Variants in CERS4 observed in about 807,000 individuals in gnomAD.
CERS4 encodes ceramide synthase 4, also known as LAG1 homolog, ceramide synthase 4.
Under a neutral mutation model 51.8 loss-of-function variants are expected in CERS4, and 65 were observed. The ratio of observed to expected loss-of-function variants is 1.26; its 90% CI spans 1.03 to 1.54. The LOEUF is 1.54. Ranked by LOEUF, CERS4 falls within the 40% of genes most tolerant of loss-of-function variation. The pLI is 0.00. For missense variants in CERS4, 563 were observed against 500.4 expected (o/e 1.13, Z -1.19); for synonymous variants, 228 against 208.4 (o/e 1.09, Z -0.81).
chr19:8,259,969 AC>A (rs2145339349), intron 10 of CERS4, among the ~76,000 whole-genome samples: 1 of 152,082 alleles, frequency 6.6e-6, no homozygotes, highest in East Asian at 1.9e-4. Context: ...CATGGCTCCC[AC>A]CTGTCTTGGT....
chr19:8,254,119 G>A lies in CERS4; in HGVS notation c.174-380G>A, dbSNP rs544005362. Among the ~76,000 whole-genome samples the A allele has an allele frequency of 9.2e-5, 14 of 151,750 alleles. 1 individual carries two copies. The highest frequency in any genetic ancestry group is 2.4e-4 in the African/African-American group (10 of 41,434). On this transcript the variant is annotated intron_variant, in intron 3 of 11. Coordinates refer to ENST00000251363, the MANE Select transcript of CERS4 (RefSeq NM_024552.3). ...GGGCAGATCACGAGGTCAGGAGATC[G>A]AGACCATCCTGGCTAACACAGTGAA...
chr19:8,252,402 C>T (rs1379901579), intron 3 of CERS4, among the ~76,000 whole-genome samples: 1 of 150,320 alleles, frequency 6.7e-6, no homozygotes, highest in Non-Finnish European at 1.5e-5. Context: ...TCATCCCCAC[C>T]AGTAGCTGGG....
At chr19:8,259,284 G>A (rs1305167645) in intron 10 of CERS4, among the ~76,000 whole-genome samples, 1 of 152,174 alleles carries the variant, frequency 6.6e-6, no homozygotes, top group Non-Finnish European at 1.5e-5. Flanking sequence ...GGGGAAGTGT[G>A]TTCCAGGCAG....
Position 8,245,539 on chromosome 19 carries a change from ATTTAT to A in CERS4, c.-1-5529_-1-5525del, listed in dbSNP as rs550714005. ...CTGGGGTTATGGTATTTTTATTTTT[ATTTAT>A]TTTATTTATTTTTGAGATGAAGTCT... is the stretch of plus-strand genomic sequence containing the variant. On this transcript the variant is annotated intron_variant, in intron 2 of 11. Coordinates refer to ENST00000251363, the MANE Select transcript of CERS4 (RefSeq NM_024552.3). 2.0e-3 allele frequency among the ~76,000 whole-genome samples: 303 copies of A among 151,538 alleles called. 1 individual carries two copies. Among genetic ancestry groups the A allele is most frequent in the African/African-American group, 6.8e-3 (281 of 41,294 alleles).
intron 2 of CERS4, among the ~76,000 whole-genome samples, chr19:8,240,770 G>T (rs1364063890): frequency 2.0e-5 from 3 of 152,266 alleles, no homozygotes; most frequent in Non-Finnish European, 4.4e-5. Context: ...GGTCCTTGGG[G>T]GTTCGGGGAA....
intron 2 of CERS4, among the ~76,000 whole-genome samples, chr19:8,223,177 A>C (rs1967634239): frequency 6.6e-6 from 1 of 151,716 alleles, no homozygotes; most frequent in Non-Finnish European, 1.5e-5. Flanking sequence ...CTGCCAAAAA[A>C]AAAAATTAGC....
chr19:8,245,488 ATCC>A lies in CERS4; in HGVS notation c.-1-5583_-1-5581del, dbSNP rs551952171. ...GGTCTCAAACCCCTGGGTTCAAGCA[ATCC>A]TCCTGCCTCAGCCTCCTAAACACTG... On this transcript the variant is annotated intron_variant, in intron 2 of 11. Coordinates refer to ENST00000251363, the MANE Select transcript of CERS4 (RefSeq NM_024552.3). 2.2e-3 allele frequency among the ~76,000 whole-genome samples: 342 copies of A among 152,150 alleles called. 2 individuals carry two copies. Among genetic ancestry groups the A allele is most frequent in the African/African-American group, 7.9e-3 (327 of 41,530 alleles).
Position 8,261,729 on chromosome 19 carries a change from G to A in CERS4, c.890G>A (p.Gly297Asp), listed in dbSNP as rs1568545009. Residue 297 changes from glycine (G) to aspartate (D), a missense_variant, in exon 11 of 12, where the codon GGC (glycine) becomes GAC (aspartate). Gly to Asp is a moderately conservative substitution (Grantham distance 94). Transcript: ENST00000251363. The part of the protein sequence containing the change: ...TTYYESISNR[G>D]PFFGYYFFNG... ...TACTACGAGTCCATCAGCAACAGGG[G>A]CCCCTTCTTCGGCTACTACTTCTTC... 6.2e-7 allele frequency: 1 copy of A among 1,614,130 alleles called. No individual in the cohort carries two copies. The highest frequency in any genetic ancestry group is 1.7e-5 in the Admixed American group (1 of 60,012).
rs878862385 is a variant in CERS4 at position 8,262,136 on chromosome 19, G to T, written c.*27G>T. The stretch of plus-strand genomic sequence containing the variant: ...CGGGCGGGGCTGGCTGTAAGGGGTT[G>T]CCCCCCCGCCAGTGCCTTGGATATT... On this transcript the variant is annotated 3_prime_UTR_variant, in exon 12 of 12. Transcript: ENST00000251363. The T allele has an allele frequency of 7.0e-7, 1 of 1,428,376 alleles. No individual in the cohort carries two copies. The highest frequency in any genetic ancestry group is 9.1e-7 in the Non-Finnish European group (1 of 1,093,908). The allele number at this position is 1,428,376 out of a possible 1,614,324, so 88.5% of individuals were successfully genotyped here. A position where few individuals can be genotyped will look rare whatever the true frequency, so the allele number is the denominator to read the frequency against.
intron 2 of CERS4, among the ~76,000 whole-genome samples, chr19:8,248,800 A>G (rs1276838691): frequency 7.4e-6 from 1 of 135,324 alleles, no homozygotes; most frequent in African/African-American, 2.9e-5. Context: ...GGGTAGGTGG[A>G]TAGATGATGT....
rs375090438 is a variant in CERS4, at chr19:8,261,967, A to G, written c.1043A>G (p.Asp348Gly). ...KDIRSDVEES[D>G]SSEEAAAAQE... ...ATTCGTAGTGATGTAGAAGAATCAG[A>G]CTCCAGTGAGGAGGCGGCGGCGGCC... is the stretch of plus-strand genomic sequence containing the variant. Residue 348 changes from aspartate (D) to glycine (G), a missense_variant, in exon 12 of 12, where the codon GAC becomes GGC. Transcript: ENST00000251363. 1.2e-6 allele frequency: 2 copies of G among 1,603,938 alleles called. No individual in the cohort carries two copies. Among genetic ancestry groups the G allele is most frequent in the Non-Finnish European group, 1.7e-6 (2 of 1,175,414 alleles).
chr19:8,226,428 C>T (rs1432374069), intron 2 of CERS4, among the ~76,000 whole-genome samples: 2 of 152,130 alleles, frequency 1.3e-5, no homozygotes, highest in African/African-American at 2.4e-5. Flanking sequence ...TATGAATCTA[C>T]CTCCATGTAT....
At chr19:8,248,922 G>A (rs1450163437) in intron 2 of CERS4, among the ~76,000 whole-genome samples, 1 of 150,746 alleles carries the variant, frequency 6.6e-6, no homozygotes, top group Non-Finnish European at 1.5e-5. Context: ...ATGGGTAGAT[G>A]GATGAGTGGA....
chr19:8,251,333 G>T, intron 3 of CERS4, 84 bp downstream of exon 3: 1 of 1,467,696 alleles, frequency 6.8e-7, no homozygotes, highest in Non-Finnish European at 9.0e-7. Flanking sequence ...TGCCATTGCA[G>T]CATGTCCCGA....
At chr19:8,245,989 TG>T (rs1389793286) in intron 2 of CERS4, among the ~76,000 whole-genome samples, 3 of 101,280 alleles carry the variant, frequency 3.0e-5, no homozygotes, top group Non-Finnish European at 5.8e-5. Context: ...GGAGGCTGAG[TG>T]GGGAGGATTG....
At chr19:8,261,104 C>T (rs1446909914) in intron 10 of CERS4, 1 of 154,490 alleles carries the variant, frequency 6.5e-6, no homozygotes, top group Non-Finnish European at 1.4e-5. Context: ...TTCCAACTGG[C>T]TTGGGTTGCA....
At position 8,212,830 on chromosome 19, in the gene CERS4, A is replaced by AG. The variant is rs1311500414; in HGVS notation, c.-2+1974dup. Reference sequence around the variant, plus strand: ...ATTTTTATATTATTAGTAGAGATGAAGGGGGGTGGGTTTCACCATGTTGGC... The same window carrying AG: ...ATTTTTATATTATTAGTAGAGATGAAGGGGGGGTGGGTTTCACCATGTTGGC... On this transcript the variant is annotated intron_variant, in intron 2 of 11. Coordinates refer to ENST00000251363, the MANE Select transcript of CERS4 (RefSeq NM_024552.3). 5.3e-5 allele frequency among the ~76,000 whole-genome samples: 8 copies of AG among 150,298 alleles called. No individual in the cohort carries two copies. In the South Asian group the frequency reaches 1.5e-3, roughly 28 times the overall value.
At chr19:8,236,639 A>G (rs1190128350) in intron 2 of CERS4, among the ~76,000 whole-genome samples, 1 of 145,144 alleles carries the variant, frequency 6.9e-6, no homozygotes, top group Non-Finnish European at 1.5e-5. Context: ...TGATCTCGCC[A>G]CGGCACTCTA....
At chr19:8,230,314 C>T (rs1037620486) in intron 2 of CERS4, among the ~76,000 whole-genome samples, 2 of 151,916 alleles carry the variant, frequency 1.3e-5, no homozygotes, top group Non-Finnish European at 2.9e-5. Flanking sequence ...CTCAGCCTCC[C>T]GAGTAGCTGG....
Sources: gnomAD v4.1 joint callset for allele counts (sites outside exome capture counted in the v4.1 genomes callset) on GRCh38, gnomAD v4.1.1 for gene constraint, MANE v1.5 for transcripts, NCBI Gene and HGNC (gene_info 2026-07-23, HGNC 2026-07-21) for gene names.